Variants in NAALADL2 observed in about 807,000 individuals in gnomAD.
NAALADL2 encodes the protein inactive N-acetylated-alpha-linked acidic dipeptidase-like protein 2.
NAALADL2 carries 76 observed loss-of-function variants against 87.2 expected under a neutral mutation model. The observed-to-expected ratio is 0.87, with a 90% CI of 0.72 to 1.05. The LOEUF (loss-of-function observed/expected upper bound fraction) is 1.05. NAALADL2 is among the 50% of genes least tolerant of loss of function. The pLI is 0.00. For synonymous variants in NAALADL2, 354 were observed against 331.0 expected, an observed-to-expected ratio of 1.07 and a Z score of -0.75; for missense variants, 1,089 against 945.8, an observed-to-expected ratio of 1.15 and a Z score of -1.99.
chr3:175,560,642 T>C (rs1484446333), intron 9 of NAALADL2, among the ~76,000 whole-genome samples: 2 of 152,204 alleles, frequency 1.3e-5, no homozygotes, highest in Non-Finnish European at 2.9e-5. Context: ...TCTTTCACTG[T>C]ATCCCCTGGT....
chr3:175,697,522 C>T (rs1337313352), intron 11 of NAALADL2, among the ~76,000 whole-genome samples: 1 of 151,204 alleles, frequency 6.6e-6, no homozygotes, highest in African/African-American at 2.4e-5. Context: ...CAAAACCCTA[C>T]TTATGAGGGT....
intron 5 of NAALADL2, among the ~76,000 whole-genome samples, chr3:175,379,900 G>A (rs1016948711): frequency 5.9e-5 from 9 of 152,130 alleles, no homozygotes; most frequent in African/African-American, 2.2e-4. Flanking sequence ...TGTTTACTCA[G>A]AGAAGCATAT....
intron 1 of NAALADL2, among the ~76,000 whole-genome samples, chr3:175,071,170 C>T (rs1486247380): frequency 6.6e-6 from 1 of 152,104 alleles, no homozygotes; most frequent in African/African-American, 2.4e-5. Context: ...GTGCAAGTGT[C>T]TCCTAAAGTT....
chr3:175,100,704 G>T (rs1277200879), intron 2 of NAALADL2, among the ~76,000 whole-genome samples: 1 of 152,044 alleles, frequency 6.6e-6, no homozygotes, highest in Admixed American at 6.6e-5. Flanking sequence ...TGGGCATGGT[G>T]TTGGGCACCT....
intron 1 of NAALADL2, among the ~76,000 whole-genome samples, chr3:174,940,611 T>C (rs554054787): frequency 4.9e-4 from 74 of 152,280 alleles, no homozygotes; most frequent in African/African-American, 1.7e-3. Flanking sequence ...TTTGTCCCTG[T>C]AGTAGAATTC....
At chr3:175,742,734 A>C (rs1745414147) in intron 12 of NAALADL2, among the ~76,000 whole-genome samples, 1 of 152,046 alleles carries the variant, frequency 6.6e-6, no homozygotes, top group African/African-American at 2.4e-5. Context: ...AGGAGCCTTC[A>C]GAAATGAAAA....
chr3:174,742,095 C>T (rs1045983122), intron 3 of NAALADL2, among the ~76,000 whole-genome samples: 1 of 151,616 alleles, frequency 6.6e-6, no homozygotes, highest in Non-Finnish European at 1.5e-5. Context: ...TCTTATTTCT[C>T]TCTTTCATAA....
chr3:175,359,375 C>A (rs990821889), intron 5 of NAALADL2, among the ~76,000 whole-genome samples: 11 of 152,020 alleles, frequency 7.2e-5, no homozygotes, highest in Non-Finnish European at 1.3e-4. Context: ...GTGTGATTAT[C>A]CATTTTAATT....
At chr3:175,756,475 T>C (rs1747277365) in intron 13 of NAALADL2, among the ~76,000 whole-genome samples, 1 of 152,172 alleles carries the variant, frequency 6.6e-6, no homozygotes, top group Non-Finnish European at 1.5e-5. Context: ...ATGTACTCTA[T>C]AGAATACTAA....
rs554138173 is a variant in NAALADL2 at position 175,473,187 on chromosome 3, A to G, written c.1653+1429A>G. Among the ~76,000 whole-genome samples the G allele has an allele frequency of 3.7e-4, 57 of 152,260 alleles. No individual in the cohort carries two copies. The South Asian group carries it at 0.011, about 30-fold the overall frequency. Reference sequence around the variant, plus strand: ...AAAATATCTTTGCACATCTTATAACAGGACTAAAATATTTCAGTATCTAAA... The same window carrying G: ...AAAATATCTTTGCACATCTTATAACGGGACTAAAATATTTCAGTATCTAAA... On this transcript the variant is annotated intron_variant, in intron 9 of 13. Transcript: ENST00000454872.
intron 10 of NAALADL2, among the ~76,000 whole-genome samples, chr3:175,590,559 G>A (rs1173537299): frequency 1.3e-5 from 2 of 152,078 alleles, no homozygotes; most frequent in Non-Finnish European, 2.9e-5. Context: ...TTCAAATTTA[G>A]CAAGGTATGA....
intron 11 of NAALADL2, among the ~76,000 whole-genome samples, chr3:175,723,355 C>G (rs754881225): frequency 1.3e-5 from 2 of 151,974 alleles, no homozygotes; most frequent in Non-Finnish European, 2.9e-5. Flanking sequence ...TAGAGTAAAC[C>G]CTTACAGACG....
chr3:175,616,006 T>A (rs1725305385), intron 10 of NAALADL2, among the ~76,000 whole-genome samples: 1 of 147,410 alleles, frequency 6.8e-6, no homozygotes. Context: ...TACATAATTA[T>A]AATACATATT....
At chr3:175,395,985 C>T (rs1769727783) in intron 5 of NAALADL2, among the ~76,000 whole-genome samples, 1 of 152,136 alleles carries the variant, frequency 6.6e-6, no homozygotes, top group Non-Finnish European at 1.5e-5. Context: ...TTAATTTTCA[C>T]CTGCCAAAAC....
At chr3:175,601,268 C>T (rs1004739425) in intron 10 of NAALADL2, among the ~76,000 whole-genome samples, 6 of 152,082 alleles carry the variant, frequency 3.9e-5, no homozygotes, top group African/African-American at 1.4e-4. Flanking sequence ...TAATTAATAA[C>T]ACCATATTAA....
At chr3:175,335,599 T>G (rs1261924172) in intron 5 of NAALADL2, among the ~76,000 whole-genome samples, 2 of 152,220 alleles carry the variant, frequency 1.3e-5, no homozygotes, top group Non-Finnish European at 2.9e-5. Flanking sequence ...CTGAAGAGTT[T>G]TTGAATTTTA....
At chr3:174,745,560 A>G (rs890070346) in intron 3 of NAALADL2, among the ~76,000 whole-genome samples, 14 of 152,312 alleles carry the variant, frequency 9.2e-5, no homozygotes, top group Middle Eastern at 3.4e-3. Context: ...ACAATTGAAT[A>G]TTGGGGACTT....
At chr3:174,610,501 C>T (rs1015863779) in intron 2 of NAALADL2, among the ~76,000 whole-genome samples, 7 of 152,024 alleles carry the variant, frequency 4.6e-5, no homozygotes, top group Non-Finnish European at 7.3e-5. Context: ...AAAAAGTGGG[C>T]GAAAGACATG....
chr3:175,367,569 C>A (rs1386414652), intron 5 of NAALADL2, among the ~76,000 whole-genome samples: 3 of 152,104 alleles, frequency 2.0e-5, no homozygotes, highest in Non-Finnish European at 2.9e-5. Flanking sequence ...TGAAGAGGTC[C>A]TCCACGTCCC....
Sources: gnomAD v4.1 joint callset for allele counts (sites outside exome capture counted in the v4.1 genomes callset) on GRCh38, gnomAD v4.1.1 for gene constraint, MANE v1.5 for transcripts, NCBI Gene and HGNC (gene_info 2026-07-23, HGNC 2026-07-21) for gene names.